SDK1: variants seen among roughly 807,000 people sequenced by gnomAD.
SDK1 encodes the protein sidekick cell adhesion molecule 1, also known as protein sidekick-1.
SDK1 carries 157 observed loss-of-function variants against 245.5 expected under a neutral mutation model. The observed-to-expected ratio is 0.64, with a 90% CI of 0.56 to 0.73. The LOEUF (loss-of-function observed/expected upper bound fraction) is 0.73, where lower values mean the gene tolerates loss of function less well. Among genes scored for constraint, SDK1 ranks in the 30% least tolerant of loss-of-function variants. The probability of loss-of-function intolerance (pLI) is 0.00; values close to 1 mark genes in which losing one functional copy is unlikely to be tolerated. For synonymous variants in SDK1, 1,647 were observed against 1,278.5 expected, an observed-to-expected ratio of 1.29 and a Z score of -6.15; for missense variants, 3,583 against 3,002.3, an observed-to-expected ratio of 1.19 and a Z score of -4.52.
At chr7:3,438,282 G>T (rs1408919468) in intron 1 of SDK1, among the ~76,000 whole-genome samples, 2 of 151,938 alleles carry the variant, frequency 1.3e-5, no homozygotes, top group African/African-American at 4.8e-5. Context: ...ATTTAACTAG[G>T]GTAATCATTT....
chr7:3,820,795 C>A (rs1779625389), intron 4 of SDK1, among the ~76,000 whole-genome samples: 1 of 152,150 alleles, frequency 6.6e-6, no homozygotes, highest in Non-Finnish European at 1.5e-5. Flanking sequence ...GATGCCTTTC[C>A]CAGTAGAATC....
At chr7:3,561,071 T>TCCCTTCC (rs1036020780) in intron 1 of SDK1, among the ~76,000 whole-genome samples, 8 of 152,150 alleles carry the variant, frequency 5.3e-5, no homozygotes, top group Admixed American at 2.6e-4. Flanking sequence ...TTTCTTTCCT[T>TCCCTTCC]CCCTTCCCCC....
At position 3,547,809 on chromosome 7, in the gene SDK1, G is replaced by C. The variant is rs1021347581; in HGVS notation, c.299-71271G>C. On this transcript the variant is annotated intron_variant, in intron 1 of 44. Coordinates refer to ENST00000404826, the MANE Select transcript of SDK1 (RefSeq NM_152744.4). ...TGCACACTTCATTACACTCTTAACAGGCAGATACCCGTCAGCCTTAAAGGA... is the reference window on the plus strand; with the variant it reads ...TGCACACTTCATTACACTCTTAACACGCAGATACCCGTCAGCCTTAAAGGA... Among the ~76,000 whole-genome samples the C allele has an allele frequency of 9.2e-5, 14 of 152,264 alleles. No individual in the cohort carries two copies. The East Asian group carries it at 2.7e-3, about 29-fold the overall frequency.
intron 22 of SDK1, among the ~76,000 whole-genome samples, chr7:4,106,092 A>G (rs182679435): frequency 7.2e-5 from 11 of 152,218 alleles, no homozygotes; most frequent in Admixed American, 2.0e-4. Context: ...TTCCCAATCC[A>G]TTGATCCTGG....
In SDK1 at chr7:4,076,268, A is replaced by G. The variant is rs188352927; in HGVS notation, c.3011-730A>G. Among the ~76,000 whole-genome samples the G allele has an allele frequency of 2.7e-4, 41 of 152,346 alleles. No homozygotes were observed. In the East Asian group the frequency reaches 7.7e-3, roughly 29 times the overall value. On this transcript the variant is annotated intron_variant, in intron 20 of 44. Coordinates refer to ENST00000404826, the MANE Select transcript of SDK1 (RefSeq NM_152744.4). ...GTACAAAAAATATCGGCTTCCAAAA[A>G]TGAAATGATTGGCCGGGTACAGTGG... is the stretch of plus-strand genomic sequence containing the variant.
intron 4 of SDK1, among the ~76,000 whole-genome samples, chr7:3,776,764 G>A (rs943050205): frequency 6.6e-6 from 1 of 151,444 alleles, no homozygotes; most frequent in Non-Finnish European, 1.5e-5. Context: ...CAATAGAATA[G>A]TTTCCTGGAC....
At chr7:3,435,488 G>C (rs937546672) in intron 1 of SDK1, among the ~76,000 whole-genome samples, 2 of 150,816 alleles carry the variant, frequency 1.3e-5, no homozygotes, top group African/African-American at 4.9e-5. Context: ...AGACAGTCAC[G>C]CCCAGCTAAT....
intron 13 of SDK1, among the ~76,000 whole-genome samples, chr7:3,978,797 G>A (rs1352523843): frequency 1.3e-5 from 2 of 152,198 alleles, no homozygotes; most frequent in African/African-American, 4.8e-5. Flanking sequence ...GGGACTGAGA[G>A]GTGCTTATGA....
At chr7:3,467,025 C>CAG (rs1562503545) in intron 1 of SDK1, among the ~76,000 whole-genome samples, 15 of 145,450 alleles carry the variant, frequency 1.0e-4, no homozygotes, top group African/African-American at 3.7e-4. Context: ...CACACACACA[C>CAG]ACACAGAGAT....
At chr7:3,950,697 T>TGTAA (rs1160194690) in intron 5 of SDK1, among the ~76,000 whole-genome samples, 1 of 152,166 alleles carries the variant, frequency 6.6e-6, no homozygotes, top group African/African-American at 2.4e-5. Flanking sequence ...GTAGCCCCGT[T>TGTAA]GTAAGTTGAG....
chr7:3,972,380 A>G (rs1400084230), intron 12 of SDK1, among the ~76,000 whole-genome samples: 4 of 152,090 alleles, frequency 2.6e-5, no homozygotes, highest in Non-Finnish European at 5.9e-5. Flanking sequence ...TGCCCGGCCA[A>G]GGGTTCTCTA....
chr7:3,906,737 C>G lies in SDK1; in HGVS notation c.848-44186C>G, dbSNP rs544506508. On this transcript the variant is annotated intron_variant, in intron 5 of 44. Transcript: ENST00000404826. ...CTGCCTCCCAGGTTCAAGCAATTAT[C>G]CTGCCTCAGCCTCCTGAGTAGCTGG... 1.2e-4 allele frequency among the ~76,000 whole-genome samples: 17 copies of G among 146,748 alleles called. No homozygotes were observed. The South Asian group carries it at 3.8e-3, about 32-fold the overall frequency.
intron 25 of SDK1, among the ~76,000 whole-genome samples, chr7:4,123,004 C>T (rs1784165917): frequency 6.6e-6 from 1 of 152,188 alleles, no homozygotes; most frequent in African/African-American, 2.4e-5. Flanking sequence ...TTCAAAGCCC[C>T]GTTGGTGTCC....
intron 1 of SDK1, among the ~76,000 whole-genome samples, chr7:3,391,635 ATTTTT>A (rs10667421): frequency 7.7e-6 from 1 of 130,328 alleles, no homozygotes. Context: ...CTGTTAACTG[ATTTTT>A]TTTTTTTTTT....
intron 13 of SDK1, among the ~76,000 whole-genome samples, chr7:3,974,953 A>G (rs1782797423): frequency 6.6e-6 from 1 of 152,170 alleles, no homozygotes; most frequent in African/African-American, 2.4e-5. Context: ...CGTTCCCGTG[A>G]AAGCCACCTA....
chr7:3,840,596 G>A (rs1465335620), intron 5 of SDK1, among the ~76,000 whole-genome samples: 1 of 152,138 alleles, frequency 6.6e-6, no homozygotes, highest in Non-Finnish European at 1.5e-5. Context: ...AAGATATTTA[G>A]GTGATTCATA....
intron 13 of SDK1, among the ~76,000 whole-genome samples, chr7:3,984,428 C>G (rs1026255087): frequency 6.6e-6 from 1 of 152,202 alleles, no homozygotes; most frequent in Non-Finnish European, 1.5e-5. Context: ...CGCATTTTCA[C>G]CTCTGTGAGA....
intron 30 of SDK1, among the ~76,000 whole-genome samples, chr7:4,152,668 A>G (rs137985618): frequency 7.2e-5 from 11 of 152,342 alleles, no homozygotes; most frequent in South Asian, 2.1e-4. Flanking sequence ...CTGCCTATCA[A>G]TAGAGAACAT....
At chr7:3,884,854 TG>T (rs1172978535) in intron 5 of SDK1, among the ~76,000 whole-genome samples, 3 of 152,238 alleles carry the variant, frequency 2.0e-5, no homozygotes, top group Non-Finnish European at 4.4e-5. Flanking sequence ...GATTAGCTGA[TG>T]GGGCCTTCTC....
Sources: gnomAD v4.1 joint callset for allele counts (sites outside exome capture counted in the v4.1 genomes callset) on GRCh38, gnomAD v4.1.1 for gene constraint, MANE v1.5 for transcripts, NCBI Gene and HGNC (gene_info 2026-07-23, HGNC 2026-07-21) for gene names.